The following EXOC2 variants were observed in gnomAD, a reference collection of about 807,000 sequenced individuals.
EXOC2 encodes the protein exocyst complex component 2, also known as SEC5-like 1.
Under a neutral mutation model 131.8 loss-of-function variants are expected in EXOC2, and 70 were observed. The observed-to-expected ratio is 0.53, with a 90% CI of 0.44 to 0.65. The LOEUF (loss-of-function observed/expected upper bound fraction) is 0.65, where lower values mean the gene tolerates loss of function less well. Among genes scored for constraint, EXOC2 ranks in the 30% least tolerant of loss-of-function variants. EXOC2 has a pLI of 0.00. For missense variants in EXOC2, 923 were observed against 1,108.6 expected (o/e 0.83, Z 2.38); for synonymous variants, 411 against 398.4 (o/e 1.03, Z -0.38).
intron 1 of EXOC2, among the ~76,000 whole-genome samples, chr6:685,868 T>G (rs1435273909): frequency 7.6e-6 from 1 of 131,076 alleles, no homozygotes; most frequent in East Asian, 2.1e-4. Context: ...TTCCTGGACC[T>G]CTTTTTTTTT....
rs147599022 is a variant in EXOC2, at chr6:534,256, G to C, written c.2239-1646C>G. Among the ~76,000 whole-genome samples the C allele has an allele frequency of 5.4e-3, 822 of 152,210 alleles. 10 individuals carry two copies. The highest frequency in any genetic ancestry group is 0.019 in the African/African-American group (780 of 41,532). On this transcript the variant is annotated intron_variant, in intron 22 of 27. Coordinates refer to ENST00000230449, the MANE Select transcript of EXOC2 (RefSeq NM_018303.6). ...AAGAAATACAAGCAGATAGAGAAAA[G>C]GTATTCATTAAACAAGCAGTAGGAG...
intron 22 of EXOC2, among the ~76,000 whole-genome samples, chr6:546,847 A>G (rs2493047): frequency 0.94 from 142,642 of 152,338 alleles, 66,929 homozygotes; most frequent in East Asian, 1. Context: ...GTTAGGTTTT[A>G]GGGTGGTCAA....
At chr6:543,147 A>G (rs936517123) in intron 22 of EXOC2, among the ~76,000 whole-genome samples, 4 of 152,244 alleles carry the variant, frequency 2.6e-5, no homozygotes, top group African/African-American at 9.6e-5. Context: ...AAGGATTTGG[A>G]AGATGGTTCA....
intron 12 of EXOC2, among the ~76,000 whole-genome samples, chr6:576,363 C>T (rs540083844): frequency 5.3e-5 from 8 of 152,168 alleles, no homozygotes; most frequent in Non-Finnish European, 1.2e-4. Flanking sequence ...GCCAATCCCT[C>T]TTTCCAGACC....
Position 610,247 on chromosome 6 carries a change from A to G in EXOC2, c.662-69T>C, listed in dbSNP as rs1581549234. The G allele has an allele frequency of 3.1e-6, 4 of 1,290,170 alleles. No homozygotes were observed. In the East Asian group the frequency reaches 9.4e-5, roughly 30 times the overall value. 79.9% of individuals were successfully genotyped at this position (1,290,170 alleles called of 1,614,324 possible). On this transcript the variant is annotated intron_variant, in intron 6 of 27. Coordinates refer to ENST00000230449, the MANE Select transcript of EXOC2 (RefSeq NM_018303.6). ...TGGAGATACATTAAATCAAAATGAT[A>G]TTTTTAAACAGCTTTTTAAAATGGT...
intron 21 of EXOC2, among the ~76,000 whole-genome samples, chr6:553,199 T>C (rs1335525020): frequency 1.3e-5 from 2 of 152,190 alleles, no homozygotes; most frequent in Admixed American, 1.3e-4. Context: ...ATGACAGGCA[T>C]GACAACCGTG....
intron 23 of EXOC2, among the ~76,000 whole-genome samples, chr6:516,015 G>T (rs1765144039): frequency 6.6e-6 from 1 of 152,196 alleles, no homozygotes. Context: ...AGCCTCAGCT[G>T]TCTACTGTGA....
At chr6:523,802 A>G (rs1026679966) in intron 23 of EXOC2, among the ~76,000 whole-genome samples, 5 of 152,242 alleles carry the variant, frequency 3.3e-5, no homozygotes, top group African/African-American at 1.2e-4. Flanking sequence ...TATTGGTGAT[A>G]TCACTAACTC....
At chr6:661,714 A>C (rs1193737) in intron 1 of EXOC2, among the ~76,000 whole-genome samples, 13,746 of 152,220 alleles carry the variant, frequency 0.09, 698 homozygotes, top group Admixed American at 0.13. Flanking sequence ...AGGACCTATA[A>C]CAAAAATACA....
chr6:555,297 A>G lies in EXOC2; in HGVS notation c.1993-9T>C, dbSNP rs1348076529. 4 of 1,520,416 alleles carry G rather than the reference A, an allele frequency of 2.6e-6. No individual in the cohort carries two copies. The highest frequency in any genetic ancestry group is 3.6e-6 in the Non-Finnish European group (4 of 1,119,444). The allele number at this position is 1,520,416 out of a possible 1,614,324, so 94.2% of individuals were successfully genotyped here. On this transcript the variant is annotated splice_polypyrimidine_tract_variant and intron_variant, in intron 19 of 27. Coordinates refer to ENST00000230449, the MANE Select transcript of EXOC2 (RefSeq NM_018303.6). ...AGACAGTATATAAAAACCTAAGTGA[A>G]AACATAAGTTTCAGAACTCTCAGAG...
intron 23 of EXOC2, among the ~76,000 whole-genome samples, chr6:521,030 CGAG>C (rs1765419347): frequency 7.2e-6 from 1 of 139,604 alleles, no homozygotes; most frequent in East Asian, 2.3e-4. Flanking sequence ...AACCGCCCAC[CGAG>C]CGCCGACACT....
intron 1 of EXOC2, among the ~76,000 whole-genome samples, chr6:680,022 C>CT (rs1416331575): frequency 4.9e-5 from 4 of 81,520 alleles, no homozygotes; most frequent in African/African-American, 1.4e-4. Context: ...CTCCGGATGA[C>CT]TATTTTTTTT....
chr6:671,292 G>T (rs1763852099), intron 1 of EXOC2, among the ~76,000 whole-genome samples: 2 of 151,302 alleles, frequency 1.3e-5, no homozygotes, highest in South Asian at 4.2e-4. Flanking sequence ...GGGAGGTGGA[G>T]ATTGCAGTGA....
In EXOC2 at chr6:617,800, T is replaced by C. The variant is rs374782306; in HGVS notation, c.572A>G (p.Lys191Arg). 1.2e-6 allele frequency: 2 copies of C among 1,613,524 alleles called. No homozygotes were observed. Among genetic ancestry groups the C allele is most frequent in the African/African-American group, 2.7e-5 (2 of 74,926 alleles). Residue 191 changes from lysine to arginine, a missense_variant, in exon 6 of 28, where the codon AAG becomes AGG. By Grantham distance (26) the Lys-to-Arg change is conservative. Coordinates refer to ENST00000230449, the MANE Select transcript of EXOC2 (RefSeq NM_018303.6). The stretch of plus-strand genomic sequence containing the variant: ...CTCACTCTTCTTGTTAGCCTGTCTC[T>C]TTAGGTTGGTGACTGCCATTTTGAG... ...EQLKMAVTNL[K>R]RQANKKSEGS...
At position 513,039 on chromosome 6, in the gene EXOC2, G is replaced by A. The variant is rs533385938; in HGVS notation, c.2381-13339C>T. On this transcript the variant is annotated intron_variant, in intron 23 of 27. Transcript: ENST00000230449. ...ACGCTTAAACCCCACAAAATAGGCC[G>A]ACTCTGCGACTCTATGTTTCCCAGC... Among the ~76,000 whole-genome samples the A allele has an allele frequency of 2.6e-5, 4 of 152,286 alleles. No individual in the cohort carries two copies. In the South Asian group the frequency reaches 8.3e-4, roughly 32 times the overall value.
intron 25 of EXOC2, among the ~76,000 whole-genome samples, chr6:495,154 C>A (rs1168963782): frequency 7.7e-6 from 1 of 129,666 alleles, no homozygotes; most frequent in African/African-American, 2.9e-5. Flanking sequence ...GAGACGGAGT[C>A]TCGCTCTTTC....
chr6:590,707 G>A (rs994425455), intron 11 of EXOC2, among the ~76,000 whole-genome samples: 1 of 151,978 alleles, frequency 6.6e-6, no homozygotes, highest in Non-Finnish European at 1.5e-5. Context: ...TTTTCCTCCC[G>A]CCATGACCAC....
intron 1 of EXOC2, chr6:656,497 G>C (rs1412043926): frequency 1.2e-6 from 2 of 1,607,146 alleles, no homozygotes; most frequent in Admixed American, 3.3e-5. Context: ...GAGGCGCGCA[G>C]GCTGGGCGGC....
At chr6:670,426 C>A (rs1161767014) in intron 1 of EXOC2, 1 of 151,856 alleles carries the variant, frequency 6.6e-6, no homozygotes, top group African/African-American at 2.4e-5. Flanking sequence ...GGACCAATCA[C>A]AGCTGAGGAT....
Sources: gnomAD v4.1 joint callset for allele counts (sites outside exome capture counted in the v4.1 genomes callset) on GRCh38, gnomAD v4.1.1 for gene constraint, MANE v1.5 for transcripts, NCBI Gene and HGNC (gene_info 2026-07-23, HGNC 2026-07-21) for gene names.